Variants in BCAS3 observed in about 807,000 individuals in gnomAD.
The protein encoded by BCAS3 is BCAS4/BCAS3 fusion.
In BCAS3, 53 loss-of-function variants were observed where a neutral mutation model predicts 116.1. The ratio of observed to expected loss-of-function variants is 0.46; its 90% CI spans 0.37 to 0.57. The LOEUF (loss-of-function observed/expected upper bound fraction) is 0.57, where lower values mean the gene tolerates loss of function less well. Ranked by LOEUF, BCAS3 falls within the 20% of genes least tolerant of loss-of-function variation. The pLI is 0.00. For synonymous variants in BCAS3, 391 were observed against 408.2 expected (o/e 0.96, Z 0.51); for missense variants, 917 against 1,165.4 (o/e 0.79, Z 3.10).
intron 22 of BCAS3, among the ~76,000 whole-genome samples, chr17:61,336,077 C>A (rs1468074525): frequency 6.6e-6 from 1 of 152,256 alleles, no homozygotes; most frequent in Non-Finnish European, 1.5e-5. Flanking sequence ...TCCAGAGGCC[C>A]TGGCCCAGTG....
At chr17:60,992,627 T>C (rs1485215452) in intron 15 of BCAS3, among the ~76,000 whole-genome samples, 1 of 152,166 alleles carries the variant, frequency 6.6e-6, no homozygotes, top group Non-Finnish European at 1.5e-5. Flanking sequence ...CTCAGGGACA[T>C]GCAGTTTACC....
chr17:60,887,304 CGCGCACG>C (rs1435677144), intron 9 of BCAS3: 1 of 126,268 alleles, frequency 7.9e-6, no homozygotes, highest in Non-Finnish European at 1.5e-5. Context: ...TGCTTCGGCT[CGCGCACG>C]GTGCACGGTG....
intron 19 of BCAS3, among the ~76,000 whole-genome samples, chr17:61,066,494 T>C (rs2070630011): frequency 6.6e-6 from 1 of 152,218 alleles, no homozygotes; most frequent in African/African-American, 2.4e-5. Context: ...ATTCTTGCTT[T>C]ACAAAGAAAT....
chr17:60,746,940 A>G (rs2042058208), intron 5 of BCAS3, among the ~76,000 whole-genome samples: 1 of 152,312 alleles, frequency 6.6e-6, no homozygotes. Context: ...TTAATAAGAT[A>G]AAAATTATAG....
intron 6 of BCAS3, among the ~76,000 whole-genome samples, chr17:60,760,830 A>G (rs1199257481): frequency 3.9e-5 from 6 of 152,016 alleles, no homozygotes; most frequent in Admixed American, 3.9e-4. Flanking sequence ...CTTCATCCTT[A>G]TGGATACCAG....
chr17:60,819,144 T>A (rs1203218434), intron 7 of BCAS3, among the ~76,000 whole-genome samples: 2 of 152,228 alleles, frequency 1.3e-5, no homozygotes, highest in Non-Finnish European at 2.9e-5. Flanking sequence ...GAGTCACTAG[T>A]ATAAATGCTA....
Position 61,145,446 on chromosome 17 carries a change from T to TG in BCAS3, c.2425+60887dup, listed in dbSNP as rs1242042673. Among the ~76,000 whole-genome samples the TG allele has an allele frequency of 6.6e-6, 1 of 152,050 alleles. No homozygotes were observed. The highest frequency in any genetic ancestry group is 2.4e-5 in the African/African-American group (1 of 41,412). On this transcript the variant is annotated intron_variant, in intron 22 of 23. Transcript: ENST00000407086. This position sits in a 1 kb window ranked among gnomAD's most constrained non-coding sequence, Gnocchi z 5.0. ...GGGGCTACGGAGAGGGAGTGGGGGC[T>TG]GGGGGAGGACCATTGGGAGAATGTT...
chr17:60,740,190 T>G (rs1290129202), intron 5 of BCAS3, among the ~76,000 whole-genome samples: 1 of 152,080 alleles, frequency 6.6e-6, no homozygotes, highest in Non-Finnish European at 1.5e-5. Flanking sequence ...TGCTTTCTAA[T>G]TTTTTGTTAA....
intron 6 of BCAS3, among the ~76,000 whole-genome samples, chr17:60,752,867 G>C (rs1483571209): frequency 2.6e-5 from 4 of 151,642 alleles, no homozygotes; most frequent in Non-Finnish European, 5.9e-5. Flanking sequence ...TATTTTTAGA[G>C]ACAGTCTCAC....
At position 60,874,719 on chromosome 17, in the gene BCAS3, G is replaced by A. The variant is rs751769056; in HGVS notation, c.642G>A (p.Thr214=). Residue 214 remains threonine, a synonymous_variant, in exon 9 of 24, where the codon ACG becomes ACA. Transcript: ENST00000407086. ...CTGCCTTTGATAGCTGTACTTTCAC[G>A]AAGAAATTCTTTGTTACAAGTATGT... is the stretch of plus-strand genomic sequence containing the variant. ...KIAAFDSCTF[T]KKFFVTSCYP... The A allele has an allele frequency of 1.8e-5, 29 of 1,609,334 alleles. No individual in the cohort carries two copies. The highest frequency in any genetic ancestry group is 5.4e-5 in the African/African-American group (4 of 74,604).
chr17:61,020,363 C>G lies in BCAS3; in HGVS notation c.1637+4462C>G, dbSNP rs1341482203. 6.6e-6 allele frequency among the ~76,000 whole-genome samples: 1 copy of G among 152,152 alleles called. No individual in the cohort carries two copies. Among genetic ancestry groups the G allele is most frequent in the African/African-American group, 2.4e-5 (1 of 41,446 alleles). ...ATAGCAGAAGACAGATGTATTTACA[C>G]CTTCTTGTTCAGTACCTTGAAGCAG... is the stretch of plus-strand genomic sequence containing the variant. On this transcript the variant is annotated intron_variant, in intron 16 of 23. Transcript: ENST00000407086. This position sits in a 1 kb window ranked among gnomAD's most constrained non-coding sequence, Gnocchi z 4.5.
rs992481882 is a variant in BCAS3, at chr17:61,136,022, ACCGCCACTGCCG to A, written c.2425+51464_2425+51475del. The A allele has an allele frequency of 1.3e-5, 2 of 159,910 alleles. No individual in the cohort carries two copies. The highest frequency in any genetic ancestry group is 4.8e-5 in the African/African-American group (2 of 41,460). The allele number at this position is 159,910 out of a possible 1,614,324, so 9.9% of individuals were successfully genotyped here. On this transcript the variant is annotated intron_variant, in intron 22 of 23. Coordinates refer to ENST00000407086, the MANE Select transcript of BCAS3 (RefSeq NM_017679.5). The surrounding 1 kb of genome is among the most constrained non-coding windows in gnomAD (Gnocchi z 4.4). ...TCCTGTTTCCGCTTCTGCCATGGCC[ACCGCCACTGCCG>A]CCGCCTCCTCCTTCTTCCCTGCACC...
chr17:61,129,312 T>C (rs1419735654), intron 22 of BCAS3, among the ~76,000 whole-genome samples: 2 of 152,262 alleles, frequency 1.3e-5, no homozygotes, highest in African/African-American at 2.4e-5. Context: ...TGTAAAACAT[T>C]CTGCCATCAT....
chr17:61,368,561 C>T lies in BCAS3; in HGVS notation c.2593+67C>T. 6.7e-7 allele frequency: 1 copy of T among 1,484,570 alleles called. No individual in the cohort carries two copies. Among genetic ancestry groups the T allele is most frequent in the Non-Finnish European group, 9.1e-7 (1 of 1,103,342 alleles). The allele number at this position is 1,484,570 out of a possible 1,614,324, so 92.0% of individuals were successfully genotyped here. A position where few individuals can be genotyped will look rare whatever the true frequency, so the allele number is the denominator to read the frequency against. On this transcript the variant is annotated intron_variant, in intron 23 of 23. Coordinates refer to ENST00000407086, the MANE Select transcript of BCAS3 (RefSeq NM_017679.5). The surrounding 1 kb of genome is among the most constrained non-coding windows in gnomAD (Gnocchi z 6.0). Reference sequence around the variant, plus strand: ...CAGCACCTGTTGGTGCAGAGCTTCTCTGGAATCGTTTGTGGGCATATGTTT... The same window carrying T: ...CAGCACCTGTTGGTGCAGAGCTTCTTTGGAATCGTTTGTGGGCATATGTTT...
At position 61,235,432 on chromosome 17, in the gene BCAS3, T is replaced by C. The variant is rs181135501; in HGVS notation, c.2426-132895T>C. Among the ~76,000 whole-genome samples, 2 of 152,354 alleles carry C rather than the reference T, an allele frequency of 1.3e-5. No homozygotes were observed. Among genetic ancestry groups the C allele is most frequent in the Admixed American group, 1.3e-4 (2 of 15,304 alleles). On this transcript the variant is annotated intron_variant, in intron 22 of 23. Coordinates refer to ENST00000407086, the MANE Select transcript of BCAS3 (RefSeq NM_017679.5). This position sits in a 1 kb window ranked among gnomAD's most constrained non-coding sequence, Gnocchi z 5.0. ...ATGATTGAGCCACTCGAGTTGCTTA[T>C]GCATGAATGTGCTTGTTTAGCAGGT...
At chr17:61,164,071 C>T (rs191788533) in intron 22 of BCAS3, among the ~76,000 whole-genome samples, 8 of 142,792 alleles carry the variant, frequency 5.6e-5, no homozygotes, top group Non-Finnish European at 1.2e-4. Context: ...TTTTTGGGCA[C>T]TGAAATCAGT....
chr17:60,926,063 T>G (rs575546431), intron 13 of BCAS3, among the ~76,000 whole-genome samples: 4 of 152,180 alleles, frequency 2.6e-5, no homozygotes, highest in Non-Finnish European at 5.9e-5. Flanking sequence ...GTGTGGATTC[T>G]CCAGTTGTGG....
intron 6 of BCAS3, among the ~76,000 whole-genome samples, chr17:60,752,924 A>C (rs2042619161): frequency 6.6e-6 from 1 of 152,146 alleles, no homozygotes. Context: ...AGCTCACTGA[A>C]GCCTCAAACT....
chr17:61,238,755 G>C (rs139583702), intron 22 of BCAS3, among the ~76,000 whole-genome samples: 1 of 152,116 alleles, frequency 6.6e-6, no homozygotes, highest in Non-Finnish European at 1.5e-5. Flanking sequence ...CTGCTGTCTT[G>C]TTTTCTTTCC....
Sources: allele counts gnomAD v4.1 joint callset (sites outside exome capture counted in the v4.1 genomes callset), GRCh38; gene constraint gnomAD v4.1.1; non-coding constraint Gnocchi (gnomAD v3.1); transcripts MANE v1.5; gene names NCBI Gene and HGNC (gene_info 2026-07-23, HGNC 2026-07-21).